Variants in PTPN13 observed in about 807,000 individuals in gnomAD.
PTPN13 encodes tyrosine-protein phosphatase non-receptor type 13.
PTPN13 carries 191 observed loss-of-function variants against 284.0 expected under a neutral mutation model. That is an observed-to-expected ratio of 0.67 (90% CI 0.60 to 0.76). The LOEUF is 0.76. PTPN13 is among the 30% of genes least tolerant of loss of function. PTPN13 has a pLI of 0.00. For missense variants in PTPN13, 2,797 were observed against 2,939.9 expected (o/e 0.95, Z 1.12); for synonymous variants, 986 against 1,022.3 (o/e 0.96, Z 0.68).
chr4:86,714,573 T>G (rs748832156), intron 7 of PTPN13, among the ~76,000 whole-genome samples: 3 of 152,128 alleles, frequency 2.0e-5, no homozygotes, highest in Non-Finnish European at 4.4e-5. Context: ...TCTTTTTGCT[T>G]CCCAAATCCT....
chr4:86,743,477 G>GA (rs11313070), intron 16 of PTPN13, among the ~76,000 whole-genome samples: 15 of 147,910 alleles, frequency 1.0e-4, no homozygotes, highest in Admixed American at 2.7e-4. Context: ...TTTGTTAGGG[G>GA]AAAAAAAAAA....
chr4:86,691,257 TA>T (rs1729995894), intron 5 of PTPN13, among the ~76,000 whole-genome samples: 2 of 150,580 alleles, frequency 1.3e-5, no homozygotes, highest in African/African-American at 4.9e-5. Context: ...AAATTAAAAA[TA>T]GCACTTCGAA....
intron 7 of PTPN13, among the ~76,000 whole-genome samples, chr4:86,705,102 A>G (rs552148737): frequency 0.013 from 1,903 of 152,132 alleles, 23 homozygotes; most frequent in South Asian, 0.055. Flanking sequence ...TTGGGAGGCC[A>G]GGGCGGGCAG....
chr4:86,788,305 A>C (rs982610927), intron 40 of PTPN13, among the ~76,000 whole-genome samples: 1 of 152,216 alleles, frequency 6.6e-6, no homozygotes, highest in Non-Finnish European at 1.5e-5. Context: ...TATTTCTAGA[A>C]TATTACCTAC....
chr4:86,779,277 C>T (rs1741011534), intron 35 of PTPN13, among the ~76,000 whole-genome samples: 2 of 152,014 alleles, frequency 1.3e-5, no homozygotes, highest in South Asian at 2.1e-4. Flanking sequence ...CTTAGCCGGG[C>T]GTGGTGGCGG....
intron 1 of PTPN13, among the ~76,000 whole-genome samples, chr4:86,634,601 A>G (rs951525083): frequency 6.6e-6 from 1 of 152,134 alleles, no homozygotes; most frequent in African/African-American, 2.4e-5. Context: ...ACCCAAAATG[A>G]CATTTTTATT....
At position 86,693,621 on chromosome 4, in the gene PTPN13, C is replaced by T; in HGVS notation, c.581C>T (p.Pro194Leu). The change falls in exon 6 of 48, where the codon CCT becomes CTT. Residue 194 changes from proline to leucine, a missense_variant. Pro to Leu is a moderately conservative substitution (Grantham distance 98). Transcript: ENST00000411767. ...DQLSCNSEQK[P>L]DRSQAIRDRL... is the part of the protein sequence containing the mutation. ...CTTTCCTGTAACAGTGAACAAAAGC[C>T]TGATCGAAGCCAGGCTATTCGAGAT... 5 of 1,556,458 alleles carry T rather than the reference C, an allele frequency of 3.2e-6. No homozygotes were observed. Among genetic ancestry groups the T allele is most frequent in the Non-Finnish European group, 4.4e-6 (5 of 1,147,462 alleles).
At chr4:86,666,339 T>TGACACACATAAG (rs1727074754) in intron 2 of PTPN13, among the ~76,000 whole-genome samples, 1 of 151,716 alleles carries the variant, frequency 6.6e-6, no homozygotes, top group Non-Finnish European at 1.5e-5. Context: ...ACATAAGGAG[T>TGACACACATAAG]GAGTTTAGGA....
chr4:86,732,439 C>T lies in PTPN13; in HGVS notation c.1648C>T (p.Pro550Ser). The T allele has an allele frequency of 6.2e-7, 1 of 1,601,372 alleles. No individual in the cohort carries two copies. The highest frequency in any genetic ancestry group is 8.5e-7 in the Non-Finnish European group (1 of 1,172,924). Residue 550 changes from proline (P) to serine (S), a missense_variant, in exon 11 of 48, where the codon CCA (proline) becomes TCA (serine). Coordinates refer to ENST00000411767, the MANE Select transcript of PTPN13 (RefSeq NM_080683.3). ...TGAGTTTGTGAAAATGACAATTGAA[C>T]CATTTATATCTTTGGATTTGCCACG... is the stretch of plus-strand genomic sequence containing the variant. Reference protein sequence around the residue: ...GPEFVKMTIEPFISLDLPRSI... With the variant: ...GPEFVKMTIESFISLDLPRSI...
At chr4:86,740,807 T>C (rs1203732417) in intron 15 of PTPN13, among the ~76,000 whole-genome samples, 1 of 152,136 alleles carries the variant, frequency 6.6e-6, no homozygotes, top group Non-Finnish European at 1.5e-5. Context: ...TATTGAATGC[T>C]TTGCTGCTTA....
intron 10 of PTPN13, among the ~76,000 whole-genome samples, chr4:86,731,449 C>T (rs1290071465): frequency 4.6e-5 from 7 of 152,152 alleles, no homozygotes; most frequent in Non-Finnish European, 8.8e-5. Context: ...TCCTTTATTT[C>T]CTGAAATATT....
intron 10 of PTPN13, among the ~76,000 whole-genome samples, chr4:86,730,547 G>C (rs888333343): frequency 6.7e-6 from 1 of 149,802 alleles, no homozygotes; most frequent in Non-Finnish European, 1.5e-5. Flanking sequence ...CTGCAGCCTC[G>C]GAAGTTGATC....
At chr4:86,707,961 A>G (rs985403049) in intron 7 of PTPN13, among the ~76,000 whole-genome samples, 3 of 152,216 alleles carry the variant, frequency 2.0e-5, no homozygotes, top group Admixed American at 6.5e-5. Flanking sequence ...TGTAGATAGA[A>G]TCAACATCTT....
chr4:86,649,722 C>T (rs994847599), intron 2 of PTPN13, among the ~76,000 whole-genome samples: 5 of 152,014 alleles, frequency 3.3e-5, no homozygotes, highest in African/African-American at 4.8e-5. Context: ...TCTTTTGTGA[C>T]TCCATATAAA....
intron 3 of PTPN13, among the ~76,000 whole-genome samples, chr4:86,684,533 C>T (rs1429091742): frequency 6.6e-6 from 1 of 151,840 alleles, no homozygotes; most frequent in Non-Finnish European, 1.5e-5. Context: ...AAATTGAGAG[C>T]CATGAACATA....
At chr4:86,653,511 A>AT (rs551015393) in intron 2 of PTPN13, among the ~76,000 whole-genome samples, 435 of 129,132 alleles carry the variant, frequency 3.4e-3, no homozygotes, top group Non-Finnish European at 5.8e-3. Context: ...TTTTTTTTTG[A>AT]TTTTGTGTTT....
rs1019523219 is a variant in PTPN13 at position 86,814,642 on chromosome 4, C to T, written c.*91C>T. On this transcript the variant is annotated 3_prime_UTR_variant, in exon 48 of 48. Transcript: ENST00000411767. ...ATCCAAAATAAAGATCACAGAGCAG[C>T]AAGTTCATACAACATGCATGTTCTC... The T allele has an allele frequency of 8.3e-6, 8 of 960,220 alleles. No individual in the cohort carries two copies. The African/African-American group carries it at 1.3e-4, about 16-fold the overall frequency. 59.5% of individuals were successfully genotyped at this position (960,220 alleles called of 1,614,324 possible).
At chr4:86,734,684 C>A in intron 13 of PTPN13, 53 bp from the exon 14 acceptor site, 3 of 1,565,730 alleles carry the variant, frequency 1.9e-6, no homozygotes, top group Non-Finnish European at 2.6e-6. Context: ...ATAAAAACCA[C>A]CCCAGTATTC....
intron 41 of PTPN13, among the ~76,000 whole-genome samples, chr4:86,798,821 G>A (rs1240000620): frequency 1.3e-5 from 2 of 152,176 alleles, no homozygotes; most frequent in African/African-American, 2.4e-5. Flanking sequence ...CCATGTTGAA[G>A]GATAGAAATA....
Sources: allele counts gnomAD v4.1 joint callset (sites outside exome capture counted in the v4.1 genomes callset), GRCh38; gene constraint gnomAD v4.1.1; transcripts MANE v1.5; gene names NCBI Gene and HGNC (gene_info 2026-07-23, HGNC 2026-07-21).